Variants in PHC2 observed in about 807,000 individuals in gnomAD.
PHC2 encodes polyhomeotic homolog 2.
In PHC2, 29 loss-of-function variants were observed where a neutral mutation model predicts 87.4. That is an observed-to-expected ratio of 0.33 (90% CI 0.25 to 0.45). The LOEUF (loss-of-function observed/expected upper bound fraction) is 0.45. PHC2 is among the 20% of genes least tolerant of loss of function. PHC2 has a pLI of 1.00. For missense variants in PHC2, 857 were observed against 1,136.7 expected, an observed-to-expected ratio of 0.75 and a Z score of 3.54; for synonymous variants, 438 against 461.7, an observed-to-expected ratio of 0.95 and a Z score of 0.66.
In PHC2 at chr1:33,364,422, A is replaced by ACACACACACG. The variant is rs1276306678; in HGVS notation, c.976+2693_976+2694insCGTGTGTGTG. Among the ~76,000 whole-genome samples the ACACACACACG allele has an allele frequency of 5.3e-3, 786 of 149,710 alleles. 19 individuals are homozygous for ACACACACACG. The highest frequency in any genetic ancestry group is 0.043 in the Admixed American group (639 of 15,020). Reference sequence around the variant, plus strand: ...CACACACACACACACACACACACACACACGCTCAAGCACGCTCTTCTCTCC... The same window carrying ACACACACACG: ...CACACACACACACACACACACACACACACACACACGCACGCTCAAGCACGCTCTTCTCTCC... On this transcript the variant is annotated intron_variant, in intron 7 of 14. Transcript: ENST00000683057. This position sits in a 1 kb window ranked among gnomAD's most constrained non-coding sequence, Gnocchi z 4.1.
chr1:33,373,762 C>A (rs1455450831), intron 2 of PHC2, among the ~76,000 whole-genome samples: 1 of 152,120 alleles, frequency 6.6e-6, no homozygotes, highest in Non-Finnish European at 1.5e-5. Flanking sequence ...TCTGCTGAAT[C>A]CCTGGCCACA....
chr1:33,343,899 G>C (rs1450664978), intron 9 of PHC2, among the ~76,000 whole-genome samples: 1 of 152,156 alleles, frequency 6.6e-6, no homozygotes. Context: ...TAACAGAAAT[G>C]CTTCTGTCCT....
chr1:33,423,669 C>A (rs1285665437), intron 1 of PHC2, among the ~76,000 whole-genome samples: 1 of 152,152 alleles, frequency 6.6e-6, no homozygotes, highest in African/African-American at 2.4e-5. Context: ...TAATTAAGTT[C>A]ACATTACCCT....
Position 33,386,903 on chromosome 1 carries a change from A to G in PHC2, c.-54-11310T>C, listed in dbSNP as rs144299021. Among the ~76,000 whole-genome samples, 515 of 152,300 alleles carry G rather than the reference A, an allele frequency of 3.4e-3. 6 individuals are homozygous for G. Among genetic ancestry groups the G allele is most frequent in the African/African-American group, 0.012 (491 of 41,578 alleles). ...TGTGCACATACACATACACACAGCT[A>G]CTATTTCTAGAGTTGGCCATTTTCT... On this transcript the variant is annotated intron_variant, in intron 1 of 14. Coordinates refer to ENST00000683057, the MANE Select transcript of PHC2 (RefSeq NM_001385109.1).
At chr1:33,424,054 C>T (rs886628739) in intron 1 of PHC2, among the ~76,000 whole-genome samples, 5 of 148,100 alleles carry the variant, frequency 3.4e-5, no homozygotes, top group African/African-American at 7.5e-5. Context: ...TCCAAGATTG[C>T]ACCACTGCAC....
intron 9 of PHC2, among the ~76,000 whole-genome samples, chr1:33,338,607 C>A (rs868344681): frequency 7.9e-5 from 12 of 152,252 alleles, no homozygotes; most frequent in African/African-American, 2.7e-4. Context: ...TCCCAGACTG[C>A]TTTGCGGCCT....
At chr1:33,366,507 C>A (rs1452624349) in intron 7 of PHC2, among the ~76,000 whole-genome samples, 1 of 152,332 alleles carries the variant, frequency 6.6e-6, no homozygotes, top group Admixed American at 6.5e-5. Flanking sequence ...CCTAGCTCCT[C>A]TCCTCAAGCC....
At chr1:33,342,333 G>A (rs1280488137) in intron 9 of PHC2, among the ~76,000 whole-genome samples, 1 of 152,210 alleles carries the variant, frequency 6.6e-6, no homozygotes, top group Non-Finnish European at 1.5e-5. Context: ...CTCCCATGCT[G>A]GCAGCCATTA....
chr1:33,418,562 T>C (rs1270486224), intron 1 of PHC2, among the ~76,000 whole-genome samples: 1 of 152,194 alleles, frequency 6.6e-6, no homozygotes, highest in African/African-American at 2.4e-5. Flanking sequence ...ATAACCTGAA[T>C]AGCCCTATAG....
At chr1:33,333,844 C>T in intron 10 of PHC2, 1 of 479,486 alleles carries the variant, frequency 2.1e-6, no homozygotes, top group South Asian at 2.5e-5. Flanking sequence ...AGGGACACAC[C>T]TGAGTTTGTG....
chr1:33,419,710 T>C (rs938507792), intron 1 of PHC2, among the ~76,000 whole-genome samples: 3 of 152,090 alleles, frequency 2.0e-5, no homozygotes, highest in East Asian at 1.9e-4. Context: ...CCCGGGTTCA[T>C]GCCATTCTCC....
chr1:33,346,318 A>C, intron 9 of PHC2: 8 of 985,348 alleles, frequency 8.1e-6, no homozygotes, highest in Non-Finnish European at 9.6e-6. Flanking sequence ...CTCTACAACC[A>C]CTTTTGTGAG....
intron 9 of PHC2, among the ~76,000 whole-genome samples, chr1:33,336,324 A>C (rs1646635645): frequency 6.6e-6 from 1 of 152,176 alleles, no homozygotes; most frequent in African/African-American, 2.4e-5. Context: ...TCTAATGCTA[A>C]CTAAACCAGG....
intron 10 of PHC2, 129 bp downstream of exon 10, chr1:33,333,961 G>C: frequency 1.3e-6 from 1 of 782,474 alleles, no homozygotes; most frequent in South Asian, 1.6e-5. Context: ...ATATTCTTTG[G>C]GGGAGGAAGT....
chr1:33,370,616 A>G (rs1647767015), intron 4 of PHC2, 31 bp from the exon 5 acceptor site: 2 of 1,590,362 alleles, frequency 1.3e-6, no homozygotes, highest in Admixed American at 1.7e-5. Flanking sequence ...GGTAGGAGAT[A>G]GGAGGTTCTG....
At chr1:33,371,203 T>A in intron 3 of PHC2, 109 bp from the exon 4 acceptor site, 1 of 859,254 alleles carries the variant, frequency 1.2e-6, no homozygotes, top group Non-Finnish European at 1.9e-6. Flanking sequence ...GACAACAGCC[T>A]CTGGAGGTCA....
intron 9 of PHC2, chr1:33,346,277 A>T (rs1288362263): frequency 1.6e-5 from 16 of 985,310 alleles, no homozygotes; most frequent in Non-Finnish European, 1.6e-5. Flanking sequence ...TCACTCCAGG[A>T]CAGTCTCCTG....
In PHC2 at chr1:33,364,344, G is replaced by T. The variant is rs1647307374; in HGVS notation, c.976+2772C>A. ...ACAAAAAATGTGTGCGCGCTCGCTT[G>T]CTTTCTCTCTCCCAGACACACACAC... On this transcript the variant is annotated intron_variant, in intron 7 of 14. Transcript: ENST00000683057. This position sits in a 1 kb window ranked among gnomAD's most constrained non-coding sequence, Gnocchi z 4.1. 6.9e-6 allele frequency among the ~76,000 whole-genome samples: 1 copy of T among 145,964 alleles called. No homozygotes were observed. Among genetic ancestry groups the T allele is most frequent in the South Asian group, 2.3e-4 (1 of 4,382 alleles).
At position 33,370,554 on chromosome 1, in the gene PHC2, T is replaced by G; in HGVS notation, c.443A>C (p.Gln148Pro). Residue 148 changes from glutamine to proline, a missense_variant, in exon 5 of 15, where the codon CAG becomes CCG. Around this residue, in one of 3 missense-constraint regions of PHC2, gnomAD observed 832 missense variants for 1,081.8 expected, o/e 0.77. Coordinates refer to ENST00000683057, the MANE Select transcript of PHC2 (RefSeq NM_001385109.1). ...CACACTCTGGGCCCGGTTGAGGAGC[T>G]GGGCTGCTGCTGGGGAGGCTGCCAG... is the stretch of plus-strand genomic sequence containing the variant. ...INLAASPAAA[Q>P]LLNRAQSVNS... is the part of the protein sequence containing the mutation. 6.2e-7 allele frequency: 1 copy of G among 1,613,690 alleles called. No individual in the cohort carries two copies. Among genetic ancestry groups the G allele is most frequent in the Non-Finnish European group, 8.5e-7 (1 of 1,179,648 alleles).
Sources: allele counts gnomAD v4.1 joint callset (sites outside exome capture counted in the v4.1 genomes callset), GRCh38; gene constraint gnomAD v4.1.1; regional missense constraint gnomAD v4.1.1; non-coding constraint Gnocchi (gnomAD v3.1); transcripts MANE v1.5; gene names NCBI Gene and HGNC (gene_info 2026-07-23, HGNC 2026-07-21).